The following RB1 variants were observed in gnomAD, a reference collection of about 807,000 sequenced individuals.
The protein encoded by RB1 is RB transcriptional corepressor 1.
Under a neutral mutation model 135.4 loss-of-function variants are expected in RB1, and 18 were observed. The observed-to-expected ratio is 0.13, with a 90% CI of 0.09 to 0.20. The LOEUF (loss-of-function observed/expected upper bound fraction) is 0.20. Among genes scored for constraint, RB1 ranks in the 10% least tolerant of loss-of-function variants. RB1 has a pLI of 1.00. For missense variants in RB1, 868 were observed against 1,110.0 expected (o/e 0.78, Z 3.10); for synonymous variants, 365 against 373.2 (o/e 0.98, Z 0.25).
At chr13:48,324,436 T>G (rs1169789540) in intron 2 of RB1, among the ~76,000 whole-genome samples, 2 of 152,050 alleles carry the variant, frequency 1.3e-5, no homozygotes, top group Non-Finnish European at 2.9e-5. Context: ...TCAATATTTT[T>G]TTTTTTTTTT....
At chr13:48,335,466 A>G (rs1484160487) in intron 2 of RB1, among the ~76,000 whole-genome samples, 2 of 152,154 alleles carry the variant, frequency 1.3e-5, no homozygotes, top group Non-Finnish European at 2.9e-5. Context: ...ATCTTGACTC[A>G]ACTCTATTTT....
Position 48,303,762 on chromosome 13 carries a change from G to A in RB1, c.-151G>A, listed in dbSNP as rs903923688. On this transcript the variant is annotated 5_prime_UTR_variant, in exon 1 of 27. Coordinates refer to ENST00000267163, the MANE Select transcript of RB1 (RefSeq NM_000321.3). ...TGGACGCGGCGCTCAGTTGCCGGGCGGGGGAGGGCGCGTCCGGTTTTTCTC... is the reference window on the plus strand; with the variant it reads ...TGGACGCGGCGCTCAGTTGCCGGGCAGGGGAGGGCGCGTCCGGTTTTTCTC... 11 of 1,223,032 alleles carry A rather than the reference G, an allele frequency of 9.0e-6. No individual in the cohort carries two copies. Among genetic ancestry groups the A allele is most frequent in the African/African-American group, 3.2e-5 (2 of 62,506 alleles). The allele number at this position is 1,223,032 out of a possible 1,614,324, so 75.8% of individuals were successfully genotyped here.
chr13:48,339,187 C>T (rs899082768), intron 2 of RB1, among the ~76,000 whole-genome samples: 15 of 152,206 alleles, frequency 9.9e-5, no homozygotes, highest in African/African-American at 2.2e-4. Flanking sequence ...AGAACCACTA[C>T]GCTCTTCAAA....
At chr13:48,439,177 T>G (rs1175959201) in intron 17 of RB1, among the ~76,000 whole-genome samples, 5 of 152,206 alleles carry the variant, frequency 3.3e-5, no homozygotes, top group Admixed American at 1.3e-4. Flanking sequence ...CCATCACTTA[T>G]CAGCCATATA....
At chr13:48,347,160 A>G (rs2138090605) in intron 4 of RB1, among the ~76,000 whole-genome samples, 1 of 152,208 alleles carries the variant, frequency 6.6e-6, no homozygotes, top group South Asian at 2.1e-4. Context: ...ATTACATTGT[A>G]TATGTTTAAG....
At chr13:48,386,935 A>G (rs2138152594) in intron 17 of RB1, among the ~76,000 whole-genome samples, 2 of 152,270 alleles carry the variant, frequency 1.3e-5, no homozygotes, top group East Asian at 3.9e-4. Context: ...AATACGAAAA[A>G]TTTATTTCGG....
At chr13:48,473,539 A>ATAAAATTCTATGCAATATGCCTG (rs1949485614) in intron 24 of RB1, 149 bp downstream of exon 24, 1 of 661,718 alleles carries the variant, frequency 1.5e-6, no homozygotes, top group Non-Finnish European at 2.5e-6. Flanking sequence ...TATATATCTC[A>ATAAAATTCTATGCAATATGCCTG]GATTTACTTT....
intron 17 of RB1, among the ~76,000 whole-genome samples, chr13:48,402,182 T>A (rs2138181921): frequency 6.6e-6 from 1 of 152,194 alleles, no homozygotes; most frequent in South Asian, 2.1e-4. Context: ...AAAATATAAT[T>A]TTTTTGCATT....
intron 20 of RB1, among the ~76,000 whole-genome samples, chr13:48,463,440 A>G (rs1376333494): frequency 6.6e-6 from 1 of 152,188 alleles, no homozygotes; most frequent in Non-Finnish European, 1.5e-5. Context: ...AACTGATTCT[A>G]CTTTCAACTT....
At chr13:48,310,934 T>A (rs1400885593) in intron 2 of RB1, among the ~76,000 whole-genome samples, 2 of 152,218 alleles carry the variant, frequency 1.3e-5, no homozygotes, top group African/African-American at 2.4e-5. Context: ...GATTATAGCA[T>A]ATGAATAGGA....
chr13:48,379,957 TAAAAAAAAAAAAA>T (rs35427721), intron 14 of RB1, 83 bp from the exon 15 acceptor site: 57 of 369,312 alleles, frequency 1.5e-4, no homozygotes, highest in Non-Finnish European at 1.9e-4. Flanking sequence ...AGACACCATC[TAAAAAAAAAAAAA>T]AAAAAAAAAA....
chr13:48,465,520 C>A, intron 23 of RB1, 152 bp downstream of exon 23: 3 of 918,592 alleles, frequency 3.3e-6, no homozygotes, highest in Non-Finnish European at 3.3e-6. Flanking sequence ...AATATGGGGG[C>A]GGGGTGAAGA....
At chr13:48,342,939 A>G (rs1952460670) in intron 3 of RB1, among the ~76,000 whole-genome samples, 1 of 152,078 alleles carries the variant, frequency 6.6e-6, no homozygotes, top group Non-Finnish European at 1.5e-5. Flanking sequence ...AAAAATTTTC[A>G]TTGTGTCTCT....
At chr13:48,400,819 A>G (rs1234184487) in intron 17 of RB1, among the ~76,000 whole-genome samples, 2 of 152,136 alleles carry the variant, frequency 1.3e-5, no homozygotes, top group African/African-American at 4.8e-5. Context: ...AGTACCCTTC[A>G]TTCCTTTTCC....
At chr13:48,392,091 G>C (rs1195870789) in intron 17 of RB1, among the ~76,000 whole-genome samples, 4 of 151,940 alleles carry the variant, frequency 2.6e-5, no homozygotes, top group African/African-American at 9.7e-5. Flanking sequence ...TTGCTCCACT[G>C]TCTTCTGGTT....
At chr13:48,370,981 G>T (rs1262473711) in intron 11 of RB1, among the ~76,000 whole-genome samples, 1 of 152,198 alleles carries the variant, frequency 6.6e-6, no homozygotes, top group Non-Finnish European at 1.5e-5. Flanking sequence ...CGAGTTGTAT[G>T]TCAGGATATG....
intron 17 of RB1, chr13:48,391,625 T>C (rs966005438): frequency 1.3e-5 from 2 of 152,248 alleles, no homozygotes; most frequent in Non-Finnish European, 2.9e-5. Context: ...TTTCTATTTT[T>C]TTTTTCTTTT....
intron 2 of RB1, among the ~76,000 whole-genome samples, chr13:48,338,006 C>T (rs1358266291): frequency 2.0e-5 from 3 of 152,172 alleles, no homozygotes; most frequent in Non-Finnish European, 2.9e-5. Context: ...TGAATATTGG[C>T]CCCCACTCTC....
chr13:48,467,433 G>A (rs1398194457), intron 23 of RB1, among the ~76,000 whole-genome samples: 139 of 59,348 alleles, frequency 2.3e-3, no homozygotes, highest in South Asian at 0.015. Flanking sequence ...AGGAACAACC[G>A]GTACCAGCCG....
Sources: allele counts gnomAD v4.1 joint callset (sites outside exome capture counted in the v4.1 genomes callset), GRCh38; gene constraint gnomAD v4.1.1; transcripts MANE v1.5; gene names NCBI Gene and HGNC (gene_info 2026-07-23, HGNC 2026-07-21).